PPP1R9A: variants seen among roughly 807,000 people sequenced by gnomAD.
PPP1R9A encodes protein phosphatase 1 regulatory subunit 9A, also known as neurabin-1.
A neutral mutation model predicts 141.9 loss-of-function variants in PPP1R9A; 59 were observed. The ratio of observed to expected loss-of-function variants is 0.42; its 90% CI spans 0.34 to 0.52. The LOEUF (loss-of-function observed/expected upper bound fraction) is 0.52, where lower values mean the gene tolerates loss of function less well. PPP1R9A is among the 20% of genes least tolerant of loss of function. The pLI is 0.10. For missense variants in PPP1R9A, 1,444 were observed against 1,611.9 expected, an observed-to-expected ratio of 0.90 and a Z score of 1.78; for synonymous variants, 500 against 569.7, an observed-to-expected ratio of 0.88 and a Z score of 1.74.
At chr7:94,998,503 G>A (rs1049523595) in intron 2 of PPP1R9A, among the ~76,000 whole-genome samples, 6 of 152,030 alleles carry the variant, frequency 3.9e-5, no homozygotes, top group African/African-American at 1.4e-4. Context: ...TAGTCAGCTT[G>A]ATTTTTTTTA....
chr7:95,183,993 A>G (rs1834262884), intron 5 of PPP1R9A, among the ~76,000 whole-genome samples: 1 of 152,122 alleles, frequency 6.6e-6, no homozygotes, highest in African/African-American at 2.4e-5. Flanking sequence ...AATGTTAAGT[A>G]TGTAGTAAGG....
chr7:95,232,645 GA>G (rs1796129011), intron 8 of PPP1R9A, among the ~76,000 whole-genome samples: 1 of 152,058 alleles, frequency 6.6e-6, no homozygotes, highest in Non-Finnish European at 1.5e-5. Flanking sequence ...CTAATATCCA[GA>G]ATCTACAAGG....
chr7:95,072,868 AAT>A (rs1443514157), intron 2 of PPP1R9A, among the ~76,000 whole-genome samples: 1 of 112,282 alleles, frequency 8.9e-6, no homozygotes, highest in Non-Finnish European at 1.7e-5. Context: ...TATATAATAT[AAT>A]ATAATATTAT....
intron 5 of PPP1R9A, among the ~76,000 whole-genome samples, chr7:95,191,377 A>G (rs552401912): frequency 2.6e-5 from 4 of 152,322 alleles, no homozygotes; most frequent in African/African-American, 9.6e-5. Context: ...TTGAAGTGGT[A>G]CATAATTATG....
At chr7:95,287,014 CAATTTT>C in intron 18 of PPP1R9A, 1 of 1,324,122 alleles carries the variant, frequency 7.6e-7, no homozygotes, top group Non-Finnish European at 1.1e-6. Flanking sequence ...AAGCTTGGTG[CAATTTT>C]AATTTTATTA....
At chr7:95,188,745 C>T (rs1477234392) in intron 5 of PPP1R9A, among the ~76,000 whole-genome samples, 9 of 151,716 alleles carry the variant, frequency 5.9e-5, no homozygotes, top group Admixed American at 5.9e-4. Context: ...ATTACAGGCA[C>T]CTGCCACTGC....
In PPP1R9A at chr7:95,274,087, C is replaced by T. The variant is rs558593138; in HGVS notation, c.3215C>T (p.Ala1072Val). ...CTGACTGCTTACTATCATTACAGGGCGCCTTTGCGAAGGAATTCCAGCAAG... is the reference window on the plus strand; with the variant it reads ...CTGACTGCTTACTATCATTACAGGGTGCCTTTGCGAAGGAATTCCAGCAAG... ...KIKRKFVDLGAPLRRNSSKGK... is the reference protein window; with the variant it reads ...KIKRKFVDLGVPLRRNSSKGK... Residue 1072 changes from alanine to valine, a missense_variant and splice_region_variant, in exon 16 of 20, where the codon GCG becomes GTG. By Grantham distance (64) the Ala-to-Val change is moderately conservative. Transcript: ENST00000433360. 2.7e-5 allele frequency: 43 copies of T among 1,572,902 alleles called. No homozygotes were observed. The highest frequency in any genetic ancestry group is 1.7e-4 in the South Asian group (15 of 88,064).
At chr7:95,248,614 T>A (rs1798461521) in intron 9 of PPP1R9A, among the ~76,000 whole-genome samples, 1 of 152,224 alleles carries the variant, frequency 6.6e-6, no homozygotes, top group South Asian at 2.1e-4. Context: ...GAAGATTTTT[T>A]AAATTGTTGT....
chr7:95,068,500 A>G (rs371437899), intron 2 of PPP1R9A, among the ~76,000 whole-genome samples: 260 of 148,792 alleles, frequency 1.7e-3, no homozygotes, highest in African/African-American at 5.9e-3. Context: ...AAAAAAGACA[A>G]ACAAAACACA....
intron 2 of PPP1R9A, among the ~76,000 whole-genome samples, chr7:95,081,541 A>G (rs544264138): frequency 6.6e-6 from 1 of 152,290 alleles, no homozygotes; most frequent in Admixed American, 6.5e-5. Flanking sequence ...AAATGAAGGT[A>G]AGTGAAATTT....
chr7:94,944,450 C>T (rs1299254159), intron 2 of PPP1R9A, among the ~76,000 whole-genome samples: 1 of 144,626 alleles, frequency 6.9e-6, no homozygotes, highest in South Asian at 2.2e-4. Context: ...TATCCACCCC[C>T]CCACCCCCCG....
rs1803032350 is a variant in PPP1R9A at position 95,002,208 on chromosome 7, G to C, written c.1395+90700G>C. On this transcript the variant is annotated intron_variant, in intron 2 of 19. Transcript: ENST00000433360. ...AAAAACATGTTATTAAAAATAATGAGTGTGATATTTTAAGTACATGACTAT... is the reference window on the plus strand; with the variant it reads ...AAAAACATGTTATTAAAAATAATGACTGTGATATTTTAAGTACATGACTAT... 2.0e-5 allele frequency among the ~76,000 whole-genome samples: 3 copies of C among 152,124 alleles called. No homozygotes were observed. In the South Asian group the frequency reaches 6.2e-4, roughly 32 times the overall value.
intron 2 of PPP1R9A, among the ~76,000 whole-genome samples, chr7:95,029,716 C>T (rs1333170268): frequency 6.6e-6 from 1 of 152,092 alleles, no homozygotes; most frequent in Non-Finnish European, 1.5e-5. Flanking sequence ...TCTAATAAAT[C>T]CCAGGGAAGA....
At chr7:95,270,458 A>T (rs939632383) in intron 14 of PPP1R9A, among the ~76,000 whole-genome samples, 4 of 151,968 alleles carry the variant, frequency 2.6e-5, no homozygotes, top group African/African-American at 9.7e-5. Context: ...TTTACAAATC[A>T]TTTTTTTTCA....
chr7:95,004,346 A>T (rs577299064), intron 2 of PPP1R9A, among the ~76,000 whole-genome samples: 1 of 152,042 alleles, frequency 6.6e-6, no homozygotes, highest in African/African-American at 2.4e-5. Context: ...AAAAAAAGCT[A>T]TTGGAAGGAG....
chr7:95,102,603 T>G (rs1818936085), intron 2 of PPP1R9A, among the ~76,000 whole-genome samples: 1 of 152,214 alleles, frequency 6.6e-6, no homozygotes, highest in Non-Finnish European at 1.5e-5. Context: ...TTCCCCTCAA[T>G]ATTCTTTCCT....
At chr7:94,920,508 A>G (rs1792658240) in intron 2 of PPP1R9A, among the ~76,000 whole-genome samples, 1 of 152,140 alleles carries the variant, frequency 6.6e-6, no homozygotes, top group South Asian at 2.1e-4. Context: ...TTCTTTGCTT[A>G]CTTAATCTAT....
At chr7:94,921,577 T>C (rs1440943152) in intron 2 of PPP1R9A, among the ~76,000 whole-genome samples, 1 of 152,170 alleles carries the variant, frequency 6.6e-6, no homozygotes, top group African/African-American at 2.4e-5. Flanking sequence ...ATTTGCACTT[T>C]TCATTGTTAA....
intron 12 of PPP1R9A, among the ~76,000 whole-genome samples, chr7:95,260,676 CAAAAA>C (rs5885903): frequency 1.7e-5 from 2 of 119,174 alleles, no homozygotes; most frequent in African/African-American, 3.0e-5. Context: ...GACTCTGACT[CAAAAA>C]AAAAAAAAAA....
Sources: allele counts gnomAD v4.1 joint callset (sites outside exome capture counted in the v4.1 genomes callset), GRCh38; gene constraint gnomAD v4.1.1; transcripts MANE v1.5; gene names NCBI Gene and HGNC (gene_info 2026-07-23, HGNC 2026-07-21).